The following SCAPER variants were observed in gnomAD, a reference collection of about 807,000 sequenced individuals.
The protein encoded by SCAPER is S phase cyclin A-associated protein in the endoplasmic reticulum.
A neutral mutation model predicts 182.2 loss-of-function variants in SCAPER; 98 were observed. The ratio of observed to expected loss-of-function variants is 0.54; its 90% CI spans 0.46 to 0.64. The LOEUF (loss-of-function observed/expected upper bound fraction) is 0.64. SCAPER is among the 30% of genes least tolerant of loss of function. SCAPER has a pLI of 0.00. For missense variants in SCAPER, 1,432 were observed against 1,690.0 expected (o/e 0.85, Z 2.68); for synonymous variants, 605 against 564.6 (o/e 1.07, Z -1.01).
At chr15:76,868,177 A>T (rs1401508956) in intron 2 of SCAPER, among the ~76,000 whole-genome samples, 1 of 152,216 alleles carries the variant, frequency 6.6e-6, no homozygotes, top group Non-Finnish European at 1.5e-5. Context: ...AGGCATCCAC[A>T]TTGGAAAGGA....
At chr15:76,561,004 C>T (rs2046574257) in intron 23 of SCAPER, among the ~76,000 whole-genome samples, 1 of 152,130 alleles carries the variant, frequency 6.6e-6, no homozygotes, top group African/African-American at 2.4e-5. Context: ...AGGATCCATA[C>T]ACGGGCAATT....
intron 25 of SCAPER, among the ~76,000 whole-genome samples, chr15:76,463,324 C>T (rs2049337572): frequency 6.6e-6 from 1 of 152,082 alleles, no homozygotes; most frequent in South Asian, 2.1e-4. Flanking sequence ...GAGTTCCAGG[C>T]CTTGCTGCTG....
chr15:76,727,124 A>G (rs1010014205), intron 17 of SCAPER, among the ~76,000 whole-genome samples: 1 of 152,096 alleles, frequency 6.6e-6, no homozygotes, highest in African/African-American at 2.4e-5. Flanking sequence ...TGAAAGACCT[A>G]AATCAGTAGA....
At chr15:76,742,054 T>C (rs571521342) in intron 15 of SCAPER, among the ~76,000 whole-genome samples, 4 of 152,056 alleles carry the variant, frequency 2.6e-5, no homozygotes, top group South Asian at 4.1e-4. Flanking sequence ...AAAGGATTGG[T>C]TAGAGAGTAG....
chr15:76,606,398 C>A (rs1455552766), intron 22 of SCAPER, among the ~76,000 whole-genome samples: 1 of 152,138 alleles, frequency 6.6e-6, no homozygotes, highest in Non-Finnish European at 1.5e-5. Context: ...GTTATAATTT[C>A]TGTTCTTTTA....
intron 21 of SCAPER, among the ~76,000 whole-genome samples, chr15:76,640,315 G>A (rs2053999435): frequency 6.6e-6 from 1 of 152,182 alleles, no homozygotes; most frequent in Non-Finnish European, 1.5e-5. Context: ...CAAATGCAAT[G>A]TGACTGGAAT....
chr15:76,641,355 C>T (rs1182486419), intron 21 of SCAPER, among the ~76,000 whole-genome samples: 2 of 152,110 alleles, frequency 1.3e-5, no homozygotes, highest in African/African-American at 4.8e-5. Context: ...ACCATCTCAC[C>T]TCATAATCAA....
chr15:76,539,195 A>T (rs113711392), intron 23 of SCAPER, among the ~76,000 whole-genome samples: 2 of 152,334 alleles, frequency 1.3e-5, no homozygotes, highest in African/African-American at 4.8e-5. Context: ...CTAAGGGGAA[A>T]ATGTAAAGTT....
intron 22 of SCAPER, among the ~76,000 whole-genome samples, chr15:76,616,541 G>T (rs1015662726): frequency 6.6e-6 from 1 of 152,046 alleles, no homozygotes; most frequent in African/African-American, 2.4e-5. Context: ...TCTGGAGATG[G>T]ATGATGTAAT....
chr15:76,871,387 G>A (rs12440782), intron 2 of SCAPER, among the ~76,000 whole-genome samples: 1 of 140,702 alleles, frequency 7.1e-6, no homozygotes, highest in Non-Finnish European at 1.5e-5. Context: ...CCAGCTTGGG[G>A]GACAGAACGA....
intron 23 of SCAPER, among the ~76,000 whole-genome samples, chr15:76,552,772 C>T (rs1271514989): frequency 1.3e-5 from 2 of 151,794 alleles, no homozygotes; most frequent in Non-Finnish European, 2.9e-5. Context: ...ACGTCAAGCA[C>T]TGCTAGATGG....
At chr15:76,422,263 C>T (rs1452214085) in intron 26 of SCAPER, among the ~76,000 whole-genome samples, 1 of 152,148 alleles carries the variant, frequency 6.6e-6, no homozygotes, top group Admixed American at 6.6e-5. Flanking sequence ...ATGGAATGTT[C>T]TTTCATTTGT....
chr15:76,663,476 A>G (rs2056347544), intron 21 of SCAPER, among the ~76,000 whole-genome samples: 1 of 152,108 alleles, frequency 6.6e-6, no homozygotes, highest in African/African-American at 2.4e-5. Flanking sequence ...GGAAACCTAA[A>G]TGTCTATCAG....
intron 24 of SCAPER, among the ~76,000 whole-genome samples, chr15:76,500,622 C>G (rs1412643004): frequency 6.6e-6 from 1 of 152,086 alleles, no homozygotes; most frequent in Non-Finnish European, 1.5e-5. Context: ...GATTCATCTT[C>G]TTATTTACGT....
At chr15:76,662,912 T>TAA (rs1372791334) in intron 21 of SCAPER, among the ~76,000 whole-genome samples, 1 of 152,012 alleles carries the variant, frequency 6.6e-6, no homozygotes, top group Non-Finnish European at 1.5e-5. Context: ...AAAGATCTCT[T>TAA]AGACACACCC....
intron 24 of SCAPER, among the ~76,000 whole-genome samples, chr15:76,494,428 C>G (rs1377579101): frequency 1.3e-5 from 2 of 152,132 alleles, no homozygotes; most frequent in Non-Finnish European, 2.9e-5. Flanking sequence ...AGATAATTTC[C>G]TATACCCACA....
intron 16 of SCAPER, among the ~76,000 whole-genome samples, chr15:76,730,079 C>G (rs1161441795): frequency 6.6e-6 from 1 of 151,930 alleles, no homozygotes; most frequent in Non-Finnish European, 1.5e-5. Context: ...AAGTTCTCAG[C>G]ATAGAGTTTA....
At chr15:76,763,574 G>A (rs1224302537) in intron 14 of SCAPER, among the ~76,000 whole-genome samples, 1 of 151,646 alleles carries the variant, frequency 6.6e-6, no homozygotes, top group Non-Finnish European at 1.5e-5. Flanking sequence ...CTTTCTGCCT[G>A]CTTCTCTTCA....
intron 24 of SCAPER, among the ~76,000 whole-genome samples, chr15:76,489,794 C>T (rs2052094878): frequency 6.6e-6 from 1 of 152,024 alleles, no homozygotes; most frequent in Non-Finnish European, 1.5e-5. Context: ...TTAGCAACTC[C>T]CTATTTTCCC....
Sources: allele counts gnomAD v4.1 joint callset (sites outside exome capture counted in the v4.1 genomes callset), GRCh38; gene constraint gnomAD v4.1.1; transcripts MANE v1.5; gene names NCBI Gene and HGNC (gene_info 2026-07-23, HGNC 2026-07-21).